The following PLCG2 variants were observed in gnomAD, a reference collection of about 807,000 sequenced individuals.
PLCG2 encodes the protein phospholipase C gamma 2.
PLCG2 carries 69 observed loss-of-function variants against 175.6 expected under a neutral mutation model. The ratio of observed to expected loss-of-function variants is 0.39; its 90% CI spans 0.32 to 0.48. The LOEUF is 0.48. Among genes scored for constraint, PLCG2 ranks in the 20% least tolerant of loss-of-function variants. PLCG2 has a pLI of 0.91. For synonymous variants in PLCG2, 827 were observed against 624.0 expected (o/e 1.33, Z -4.85); for missense variants, 1,798 against 1,650.9 (o/e 1.09, Z -1.54).
intron 28 of PLCG2, 129 bp from the exon 29 acceptor site, chr16:81,938,672 A>G (rs1031013174): frequency 6.5e-6 from 4 of 615,086 alleles, no homozygotes; most frequent in Non-Finnish European, 1.2e-5. Flanking sequence ...CGGCTTTTCC[A>G]GTGAATCTAG....
At chr16:81,799,220 C>G (rs1458460249) in intron 2 of PLCG2, among the ~76,000 whole-genome samples, 2 of 152,274 alleles carry the variant, frequency 1.3e-5, no homozygotes, top group African/African-American at 4.8e-5. Flanking sequence ...AAAACAACCC[C>G]TTAGCCCCCG....
chr16:81,941,008 G>C (rs970358116), intron 30 of PLCG2, among the ~76,000 whole-genome samples: 2 of 152,062 alleles, frequency 1.3e-5, no homozygotes, highest in Non-Finnish European at 2.9e-5. Flanking sequence ...TGTTTTCTGA[G>C]GATCATTTTT....
At chr16:81,941,297 CT>C (rs1161832504) in intron 30 of PLCG2, among the ~76,000 whole-genome samples, 1 of 152,188 alleles carries the variant, frequency 6.6e-6, no homozygotes, top group African/African-American at 2.4e-5. Flanking sequence ...ACTTGGAAGG[CT>C]GAGGTTGCAC....
intron 1 of PLCG2, among the ~76,000 whole-genome samples, chr16:81,782,409 C>G (rs546491219): frequency 1.3e-5 from 2 of 149,698 alleles, no homozygotes; most frequent in Non-Finnish European, 3.0e-5. Flanking sequence ...TTTGAAAAAA[C>G]CAAAAAAAGC....
intron 2 of PLCG2, among the ~76,000 whole-genome samples, chr16:81,852,541 G>C (rs920304351): frequency 1.3e-5 from 2 of 152,134 alleles, no homozygotes; most frequent in Non-Finnish European, 2.9e-5. Flanking sequence ...TCTTGTAGGG[G>C]GAAGGAGGAG....
chr16:81,860,169 A>ATTTT lies in PLCG2; in HGVS notation c.479+1008_479+1009insTTTT, dbSNP rs1375490447. On this transcript the variant is annotated intron_variant, in intron 5 of 32. Coordinates refer to ENST00000564138, the MANE Select transcript of PLCG2 (RefSeq NM_002661.5). ...TATTATTATTATTATTATTATTATT[A>ATTTT]TTATTTTTTTTTTTTTTTGTAAAGG... Among the ~76,000 whole-genome samples, 880 of 93,214 alleles carry ATTTT rather than the reference A, an allele frequency of 9.4e-3. 3 individuals carry two copies. The highest frequency in any genetic ancestry group is 0.017 in the Admixed American group (157 of 9,420). 61.2% of individuals were successfully genotyped at this position (93,214 alleles called of 152,430 possible).
At chr16:81,784,170 G>T (rs1597316307) in intron 1 of PLCG2, among the ~76,000 whole-genome samples, 1 of 152,324 alleles carries the variant, frequency 6.6e-6, no homozygotes, top group South Asian at 2.1e-4. Context: ...CCTTTGGTAT[G>T]GGTGTGCAGT....
chr16:81,830,458 C>T (rs1271024243), intron 2 of PLCG2, among the ~76,000 whole-genome samples: 1 of 152,044 alleles, frequency 6.6e-6, no homozygotes, highest in Admixed American at 6.6e-5. Context: ...AGGCGCATGC[C>T]ACCACCACTG....
chr16:81,866,042 CAT>C (rs1307398171), intron 5 of PLCG2, among the ~76,000 whole-genome samples: 13 of 136,330 alleles, frequency 9.5e-5, no homozygotes, highest in South Asian at 2.4e-4. Context: ...GGGGCACCAG[CAT>C]GAGAGGACGC....
chr16:81,947,325 A>C (rs1345726900), intron 31 of PLCG2, among the ~76,000 whole-genome samples: 1 of 152,154 alleles, frequency 6.6e-6, no homozygotes, highest in Non-Finnish European at 1.5e-5. Flanking sequence ...GCTTTCTGAA[A>C]GTTTTCTTTA....
At chr16:81,858,510 G>A (rs1241655641) in intron 4 of PLCG2, among the ~76,000 whole-genome samples, 154 bp downstream of exon 4, 4 of 152,134 alleles carry the variant, frequency 2.6e-5, no homozygotes, top group East Asian at 1.9e-4. Context: ...GCCTAGTAGC[G>A]GTGTGGGCTC....
chr16:81,831,567 T>C lies in PLCG2; in HGVS notation c.194-22877T>C, dbSNP rs566300977. On this transcript the variant is annotated intron_variant, in intron 2 of 32. Transcript: ENST00000564138. ...AACCTCATCCAACCCCATACTCCAG[T>C]TGGGACCCCTGGCTGGGTCTCTGAC... Among the ~76,000 whole-genome samples the C allele has an allele frequency of 7.5e-4, 114 of 152,282 alleles. No homozygotes were observed. In the Middle Eastern group the frequency reaches 0.014, roughly 18 times the overall value.
chr16:81,811,904 C>G (rs980103597), intron 2 of PLCG2, among the ~76,000 whole-genome samples: 1 of 152,124 alleles, frequency 6.6e-6, no homozygotes, highest in African/African-American at 2.4e-5. Context: ...ATTGCTGGAT[C>G]AAATGGTATT....
chr16:81,837,684 GTTTTTTTT>G (rs1218961131), intron 2 of PLCG2, among the ~76,000 whole-genome samples: 1 of 126,152 alleles, frequency 7.9e-6, no homozygotes, highest in Non-Finnish European at 1.7e-5. Flanking sequence ...ACCAACATGT[GTTTTTTTT>G]TTTTTTTTTT....
chr16:81,858,112 G>A (rs933424420), intron 3 of PLCG2, 151 bp from the exon 4 acceptor site: 10 of 645,024 alleles, frequency 1.6e-5, no homozygotes, highest in African/African-American at 1.3e-4. Flanking sequence ...GGGCCATGAC[G>A]GTGTGAAAGG....
intron 14 of PLCG2, among the ~76,000 whole-genome samples, chr16:81,902,475 C>G (rs1445611790): frequency 6.6e-6 from 1 of 152,162 alleles, no homozygotes; most frequent in Non-Finnish European, 1.5e-5. Context: ...TCTGGGACCT[C>G]TTTTATTTTT....
At chr16:81,744,203 C>A (rs9926823) in intron 1 of PLCG2, among the ~76,000 whole-genome samples, 86,608 of 140,896 alleles carry the variant, frequency 0.61, 26,422 homozygotes, top group Middle Eastern at 0.65. Flanking sequence ...GAGTCTCACT[C>A]TGTCACCAGG....
At chr16:81,844,245 G>A (rs1430896439) in intron 2 of PLCG2, among the ~76,000 whole-genome samples, 5 of 148,868 alleles carry the variant, frequency 3.4e-5, no homozygotes, top group East Asian at 4.0e-4. Context: ...CACCCGCCTC[G>A]GCCTCCCAAA....
intron 4 of PLCG2, among the ~76,000 whole-genome samples, chr16:81,858,831 A>C (rs1906818247): frequency 7.1e-6 from 1 of 140,850 alleles, no homozygotes; most frequent in East Asian, 2.1e-4. Context: ...AAAGTCCTCT[A>C]CTTTTTACTA....
Sources: gnomAD v4.1 joint callset for allele counts (sites outside exome capture counted in the v4.1 genomes callset) on GRCh38, gnomAD v4.1.1 for gene constraint, MANE v1.5 for transcripts, NCBI Gene and HGNC (gene_info 2026-07-23, HGNC 2026-07-21) for gene names.